Variants in HYDIN observed in about 807,000 individuals in gnomAD.
HYDIN encodes the protein axonemal central pair apparatus protein HYDIN.
A neutral mutation model predicts 403.9 loss-of-function variants in HYDIN; 132 were observed. The observed-to-expected ratio is 0.33, with a 90% CI of 0.28 to 0.38. The LOEUF is 0.38. Among genes scored for constraint, HYDIN ranks in the 10% least tolerant of loss-of-function variants. HYDIN has a pLI of 1.00. For missense variants in HYDIN, 2,827 were observed against 5,009.5 expected (o/e 0.56, Z 13.15); for synonymous variants, 1,202 against 1,891.7 (o/e 0.64, Z 9.46).
At position 70,951,281 on chromosome 16, in the gene HYDIN, G is replaced by GAGA. The variant is rs1567892472; in HGVS notation, c.6531+1139_6531+1140insTCT. ...GAGAGAGAGAGAGAGAGAGAGAGAG[G>GAGA]GAGAGAGGGAGAGAGAGAGAGAGAA... is the stretch of plus-strand genomic sequence containing the variant. On this transcript the variant is annotated intron_variant, in intron 41 of 85. Coordinates refer to ENST00000393567, the MANE Select transcript of HYDIN (RefSeq NM_001270974.2). Among the ~76,000 whole-genome samples, 244 of 95,878 alleles carry GAGA rather than the reference G, an allele frequency of 2.5e-3. 8 individuals are homozygous for GAGA. Among genetic ancestry groups the GAGA allele is most frequent in the African/African-American group, 7.2e-3 (215 of 29,908 alleles). 62.9% of individuals were successfully genotyped at this position (95,878 alleles called of 152,430 possible). A position where few individuals can be genotyped will look rare whatever the true frequency, so the allele number is the denominator to read the frequency against.
At chr16:71,003,742 T>C (rs2079799241) in intron 23 of HYDIN, among the ~76,000 whole-genome samples, 1 of 151,100 alleles carries the variant, frequency 6.6e-6, no homozygotes, top group Non-Finnish European at 1.5e-5. Flanking sequence ...GAGGCTGCAG[T>C]GAGCCAAGAT....
At position 71,020,209 on chromosome 16, in the gene HYDIN, C is replaced by A; in HGVS notation, c.3295G>T (p.Glu1099Ter). 3 of 1,613,702 alleles carry A rather than the reference C, an allele frequency of 1.9e-6. No individual in the cohort carries two copies. The highest frequency in any genetic ancestry group is 2.5e-6 in the Non-Finnish European group (3 of 1,179,908). The change falls in exon 22 of 86, where the codon GAG (glutamate) becomes TAG (stop). Residue 1099 changes from glutamate to a stop codon, truncating the protein, a stop_gained. Coordinates refer to ENST00000393567, the MANE Select transcript of HYDIN (RefSeq NM_001270974.2). LOFTEE classifies it high-confidence loss of function. ...GCCGGCAGCAGGGATTTATCAGTCTCACATATAAAGAAGGGTCCAGATGTT... is the reference window on the plus strand; with the variant it reads ...GCCGGCAGCAGGGATTTATCAGTCTAACATATAAAGAAGGGTCCAGATGTT... ...LSTSGPFFIC[E>*]TDKSLLPATP...
In HYDIN at chr16:70,880,795, C is replaced by T. The variant is rs550410670; in HGVS notation, c.10216-1039G>A. Among the ~76,000 whole-genome samples the T allele has an allele frequency of 5.5e-4, 84 of 152,316 alleles. 3 individuals carry two copies. In the East Asian group the frequency reaches 0.016, roughly 29 times the overall value. ...GGAAGTAGGTGGGATTCAAGACTGA[C>T]TATTCCCTCTTGTTCTTAAACTGAG... On this transcript the variant is annotated intron_variant, in intron 60 of 85. Coordinates refer to ENST00000393567, the MANE Select transcript of HYDIN (RefSeq NM_001270974.2).
intron 1 of HYDIN, among the ~76,000 whole-genome samples, chr16:71,205,304 G>T (rs1269465799): frequency 1.3e-5 from 2 of 152,248 alleles, no homozygotes; most frequent in East Asian, 3.9e-4. Flanking sequence ...GCACCAGCCT[G>T]TCTGGGCTCA....
intron 23 of HYDIN, among the ~76,000 whole-genome samples, chr16:71,009,159 A>G (rs1392712098): frequency 2.0e-5 from 3 of 150,310 alleles, no homozygotes; most frequent in African/African-American, 7.3e-5. Flanking sequence ...TCCTCCCACT[A>G]GACTTGAACC....
intron 1 of HYDIN, among the ~76,000 whole-genome samples, chr16:71,191,471 A>G (rs1415789553): frequency 6.6e-6 from 1 of 152,204 alleles, no homozygotes; most frequent in East Asian, 1.9e-4. Flanking sequence ...GAACTTAAAA[A>G]AAAAATTGAA....
intron 4 of HYDIN, 80 bp downstream of exon 4, chr16:71,178,848 G>T: frequency 8.6e-7 from 1 of 1,161,902 alleles, no homozygotes; most frequent in East Asian, 2.4e-5. Context: ...ACTTATCAAA[G>T]ATCCCTCAAG....
In HYDIN at chr16:71,053,784, A is replaced by AT. The variant is rs556166508; in HGVS notation, c.2529+6719dup. Among the ~76,000 whole-genome samples, 116 of 151,828 alleles carry AT rather than the reference A, an allele frequency of 7.6e-4. 1 individual carries two copies. The highest frequency in any genetic ancestry group is 1.4e-3 in the Admixed American group (22 of 15,264). ...CCATAGACATTAACATTAATATATA[A>AT]TTTCTTTAAGTAAAGGATCTGAGGT... On this transcript the variant is annotated intron_variant, in intron 18 of 85. Coordinates refer to ENST00000393567, the MANE Select transcript of HYDIN (RefSeq NM_001270974.2).
At chr16:71,050,217 T>A (rs1033966830) in intron 18 of HYDIN, among the ~76,000 whole-genome samples, 8 of 149,830 alleles carry the variant, frequency 5.3e-5, no homozygotes, top group Non-Finnish European at 1.0e-4. Flanking sequence ...GAGCAACTAG[T>A]GAGAAAAGAC....
rs1166784038 is a variant in HYDIN, at chr16:70,803,766, T to C, written c.*3814A>G. The stretch of plus-strand genomic sequence containing the variant: ...AGAGGTCTTGAAATGTAGCAGGCCC[T>C]CACCAATGTTACAGTATTGTCACCT... On this transcript the variant is annotated 3_prime_UTR_variant, in exon 86 of 86. Transcript: ENST00000393567. 1.3e-5 allele frequency among the ~76,000 whole-genome samples: 2 copies of C among 152,190 alleles called. No homozygotes were observed. The highest frequency in any genetic ancestry group is 1.3e-4 in the Admixed American group (2 of 15,280).
chr16:71,165,319 C>T (rs1380035221), intron 5 of HYDIN, among the ~76,000 whole-genome samples: 3 of 151,904 alleles, frequency 2.0e-5, no homozygotes, highest in Non-Finnish European at 4.4e-5. Context: ...CTTCCCTCTA[C>T]TTATTCATGG....
At chr16:71,180,521 G>A (rs1264211768) in intron 3 of HYDIN, among the ~76,000 whole-genome samples, 5 of 152,026 alleles carry the variant, frequency 3.3e-5, no homozygotes, top group Non-Finnish European at 7.4e-5. Flanking sequence ...AGTCTATAAC[G>A]TTAGCATAAC....
intron 18 of HYDIN, among the ~76,000 whole-genome samples, chr16:71,043,058 T>C (rs2081337134): frequency 6.6e-6 from 1 of 151,852 alleles, no homozygotes; most frequent in Admixed American, 6.6e-5. Flanking sequence ...CAGATTTTGT[T>C]AGTCTTTTGG....
At chr16:71,172,516 C>T (rs2086508037) in intron 5 of HYDIN, among the ~76,000 whole-genome samples, 1 of 149,664 alleles carries the variant, frequency 6.7e-6, no homozygotes, top group African/African-American at 2.4e-5. Context: ...CATATCCAAT[C>T]ATTTTTTTTA....
intron 1 of HYDIN, among the ~76,000 whole-genome samples, chr16:71,221,652 T>C (rs2089207279): frequency 6.6e-6 from 1 of 152,100 alleles, no homozygotes; most frequent in Non-Finnish European, 1.5e-5. Context: ...AAATTAAAAC[T>C]CAATGAATAG....
chr16:70,921,623 G>T (rs1307882438), intron 45 of HYDIN, among the ~76,000 whole-genome samples: 1 of 152,170 alleles, frequency 6.6e-6, no homozygotes, highest in East Asian at 1.9e-4. Context: ...CTTGGTAGCT[G>T]TGACCCTGGG....
chr16:71,037,156 T>C (rs1377580030), intron 18 of HYDIN, among the ~76,000 whole-genome samples: 1 of 150,796 alleles, frequency 6.6e-6, no homozygotes, highest in Non-Finnish European at 1.5e-5. Flanking sequence ...GCTCAGGATA[T>C]TGACTGTACC....
At chr16:71,093,690 A>G (rs2083184626) in intron 11 of HYDIN, 127 bp downstream of exon 11, 3 of 976,900 alleles carry the variant, frequency 3.1e-6, no homozygotes, top group South Asian at 4.2e-5. Context: ...CAGGGTCTCA[A>G]CAAGGATGAG....
chr16:71,200,630 T>C (rs2087953497), intron 1 of HYDIN, among the ~76,000 whole-genome samples: 1 of 152,202 alleles, frequency 6.6e-6, no homozygotes, highest in African/African-American at 2.4e-5. Context: ...AATTTTTTAT[T>C]TATCTACCAA....
Sources: gnomAD v4.1 joint callset for allele counts (sites outside exome capture counted in the v4.1 genomes callset) on GRCh38, gnomAD v4.1.1 for gene constraint, MANE v1.5 for transcripts, NCBI Gene and HGNC (gene_info 2026-07-23, HGNC 2026-07-21) for gene names.